ATF7IP2: variants seen among roughly 807,000 people sequenced by gnomAD.
ATF7IP2 encodes activating transcription factor 7 interacting protein 2.
ATF7IP2 carries 42 observed loss-of-function variants against 64.2 expected under a neutral mutation model. The observed-to-expected ratio is 0.65, with a 90% CI of 0.51 to 0.85. The LOEUF is 0.85. Ranked by LOEUF, ATF7IP2 falls within the 40% of genes least tolerant of loss-of-function variation. The pLI, the probability that ATF7IP2 is intolerant of heterozygous loss-of-function variation, is 0.00. For synonymous variants in ATF7IP2, 308 were observed against 272.8 expected (o/e 1.13, Z -1.27); for missense variants, 933 against 784.2 (o/e 1.19, Z -2.27).
chr16:10,472,527 A>G (rs1308177367), intron 10 of ATF7IP2, among the ~76,000 whole-genome samples: 2 of 151,606 alleles, frequency 1.3e-5, no homozygotes, highest in African/African-American at 4.9e-5. Flanking sequence ...TTTTTTATCT[A>G]TTAAGTTATC....
chr16:10,411,083 T>TATCTTTTTGATATGTTGTTGGTTC (rs1293585685), intron 1 of ATF7IP2, among the ~76,000 whole-genome samples: 1 of 152,244 alleles, frequency 6.6e-6, no homozygotes, highest in Non-Finnish European at 1.5e-5. Flanking sequence ...CATGGTGGGT[T>TATCTTTTTGATATGTTGTTGGTTC]ATCTTTTTGA....
In ATF7IP2 at chr16:10,430,799, GGAC is replaced by G. The variant is rs56252625; in HGVS notation, c.183_185del (p.Thr62del). 0.61 allele frequency: 984,782 copies of G among 1,612,070 alleles called. 302,310 individuals are homozygous for G. Among genetic ancestry groups the G allele is most frequent in the East Asian group, 0.69 (30,856 of 44,824 alleles). On this transcript the variant is annotated inframe_deletion, in exon 5 of 14. Coordinates refer to ENST00000562102, the MANE Select transcript of ATF7IP2 (RefSeq NM_001393719.1). Reference sequence around the variant, plus strand: ...AGTTTCAGTCCTAGTGTCATAACTAGGACGACTGAAATAACCAAATGTAGCCCT... The same window carrying G: ...AGTTTCAGTCCTAGTGTCATAACTAGGACTGAAATAACCAAATGTAGCCCT...
intron 12 of ATF7IP2, among the ~76,000 whole-genome samples, chr16:10,477,050 A>C (rs1358805558): frequency 6.6e-6 from 1 of 152,202 alleles, no homozygotes; most frequent in Non-Finnish European, 1.5e-5. Context: ...TGACAATTTT[A>C]TGATGAAATC....
At chr16:10,465,697 C>T (rs1237685831) in intron 9 of ATF7IP2, among the ~76,000 whole-genome samples, 1 of 148,572 alleles carries the variant, frequency 6.7e-6, no homozygotes, top group Non-Finnish European at 1.5e-5. Flanking sequence ...CGAGATTGCA[C>T]CACTGCACTC....
chr16:10,467,421 TGAG>T (rs2049617445), intron 9 of ATF7IP2, among the ~76,000 whole-genome samples: 1 of 152,148 alleles, frequency 6.6e-6, no homozygotes, highest in African/African-American at 2.4e-5. Flanking sequence ...AATGAACATC[TGAG>T]AAGAATTACT....
At chr16:10,397,561 G>T (rs1025806805) in intron 1 of ATF7IP2, among the ~76,000 whole-genome samples, 1 of 152,174 alleles carries the variant, frequency 6.6e-6, no homozygotes, top group Admixed American at 6.5e-5. Flanking sequence ...ATTCCAGCCT[G>T]GGCCACAGAG....
At chr16:10,448,418 C>T (rs2048880746) in intron 8 of ATF7IP2, 1 of 152,154 alleles carries the variant, frequency 6.6e-6, no homozygotes, top group South Asian at 2.1e-4. Context: ...GGAATATTTT[C>T]CATTTATTTG....
chr16:10,440,454 G>A lies in ATF7IP2; in HGVS notation c.1186G>A (p.Ala396Thr). The A allele has an allele frequency of 6.6e-7, 1 of 1,526,224 alleles. No individual in the cohort carries two copies. The highest frequency in any genetic ancestry group is 1.2e-5 in the South Asian group (1 of 81,922). 94.5% of individuals were successfully genotyped at this position (1,526,224 alleles called of 1,614,324 possible). Residue 396 changes from alanine to threonine, a missense_variant, in exon 8 of 14, where the codon GCC becomes ACC. Coordinates refer to ENST00000562102, the MANE Select transcript of ATF7IP2 (RefSeq NM_001393719.1). ...LKPNMLSSNGASKVANSEAMI... is the reference protein window; with the variant it reads ...LKPNMLSSNGTSKVANSEAMI... The stretch of plus-strand genomic sequence containing the variant: ...ACCAAACATGTTATCCAGTAATGGA[G>A]CCTCTAAGGTTTGTATAAACACACA...
At position 10,459,630 on chromosome 16, in the gene ATF7IP2, G is replaced by A. The variant is rs1005461312; in HGVS notation, c.1352+2101G>A. 2.1e-4 allele frequency among the ~76,000 whole-genome samples: 32 copies of A among 152,264 alleles called. No individual in the cohort carries two copies. In the East Asian group the frequency reaches 2.7e-3, roughly 13 times the overall value. Reference sequence around the variant, plus strand: ...CCACTGTACTCCAGCCTGGGTGACAGAGCAAGACTCTATCTCAAAAAATAA... The same window carrying A: ...CCACTGTACTCCAGCCTGGGTGACAAAGCAAGACTCTATCTCAAAAAATAA... On this transcript the variant is annotated intron_variant, in intron 9 of 13. Coordinates refer to ENST00000562102, the MANE Select transcript of ATF7IP2 (RefSeq NM_001393719.1).
At chr16:10,407,925 T>TC (rs2141799000) in intron 1 of ATF7IP2, among the ~76,000 whole-genome samples, 1 of 152,186 alleles carries the variant, frequency 6.6e-6, no homozygotes, top group East Asian at 1.9e-4. Flanking sequence ...TTCTTTTTTT[T>TC]TTTTTTAGAC....
intron 3 of ATF7IP2, among the ~76,000 whole-genome samples, chr16:10,421,007 T>C (rs1296497950): frequency 6.6e-6 from 1 of 152,234 alleles, no homozygotes; most frequent in Non-Finnish European, 1.5e-5. Flanking sequence ...AGTTTTGTTT[T>C]AGGAAAATGG....
At position 10,440,180 on chromosome 16, in the gene ATF7IP2, T is replaced by TTA. The variant is rs988695894; in HGVS notation, c.1096-176_1096-175dup. Reference sequence around the variant, plus strand: ...CATCTCAAAAAAAAATTTTTTTTATTTATATATATGTATATGTTATACAAG... The same window carrying TTA: ...CATCTCAAAAAAAAATTTTTTTTATTTATATATATATGTATATGTTATACAAG... On this transcript the variant is annotated intron_variant, in intron 7 of 13. Transcript: ENST00000562102. Among the ~76,000 whole-genome samples the TTA allele has an allele frequency of 1.5e-4, 23 of 151,964 alleles. 1 individual carries two copies. The highest frequency in any genetic ancestry group is 9.2e-4 in the Admixed American group (14 of 15,258).
intron 1 of ATF7IP2, among the ~76,000 whole-genome samples, chr16:10,392,491 C>T (rs2047346508): frequency 6.6e-6 from 1 of 151,924 alleles, no homozygotes; most frequent in Non-Finnish European, 1.5e-5. Flanking sequence ...AAACCTTTAC[C>T]ACTAAGTTAA....
chr16:10,444,157 A>G (rs76521645), intron 8 of ATF7IP2, among the ~76,000 whole-genome samples: 370 of 152,382 alleles, frequency 2.4e-3, no homozygotes, highest in African/African-American at 8.5e-3. Flanking sequence ...GTTTGAGGAA[A>G]CGATGATCAG....
intron 3 of ATF7IP2, among the ~76,000 whole-genome samples, chr16:10,421,987 G>C (rs903893387): frequency 1.3e-5 from 2 of 152,230 alleles, no homozygotes; most frequent in African/African-American, 4.8e-5. Flanking sequence ...CATAGCAGGA[G>C]AAGGCAGTCC....
rs989005333 is a variant in ATF7IP2 at position 10,423,494 on chromosome 16, T to C, written c.-160+3871T>C. Among the ~76,000 whole-genome samples, 4 of 152,308 alleles carry C rather than the reference T, an allele frequency of 2.6e-5. 1 individual carries two copies. Among genetic ancestry groups the C allele is most frequent in the South Asian group, 4.1e-4 (2 of 4,820 alleles). ...GAACTGCCAAGCCTCTATATCACCC[T>C]CTCGTCTAGCTTGCTGAATTCCTGC... On this transcript the variant is annotated intron_variant, in intron 3 of 13. Coordinates refer to ENST00000562102, the MANE Select transcript of ATF7IP2 (RefSeq NM_001393719.1).
At chr16:10,469,711 G>A (rs1432223557) in intron 9 of ATF7IP2, among the ~76,000 whole-genome samples, 3 of 152,096 alleles carry the variant, frequency 2.0e-5, no homozygotes, top group Non-Finnish European at 4.4e-5. Flanking sequence ...AGGAGGCAGA[G>A]GTTGCGGTGA....
chr16:10,473,254 A>C (rs1299916843), intron 10 of ATF7IP2, among the ~76,000 whole-genome samples: 1 of 152,236 alleles, frequency 6.6e-6, no homozygotes, highest in Non-Finnish European at 1.5e-5. Flanking sequence ...AGAGTTACTA[A>C]TATAGTTGCA....
At chr16:10,450,128 T>C (rs186513007) in intron 8 of ATF7IP2, among the ~76,000 whole-genome samples, 46 of 152,316 alleles carry the variant, frequency 3.0e-4, no homozygotes, top group Admixed American at 3.3e-4. Flanking sequence ...GTTGTGTGGT[T>C]TTGAGTGAGT....
Sources: gnomAD v4.1 joint callset for allele counts (sites outside exome capture counted in the v4.1 genomes callset) on GRCh38, gnomAD v4.1.1 for gene constraint, MANE v1.5 for transcripts, NCBI Gene and HGNC (gene_info 2026-07-23, HGNC 2026-07-21) for gene names.